ATP10B: variants seen among roughly 807,000 people sequenced by gnomAD.
ATP10B encodes phospholipid-transporting ATPase VB.
Under a neutral mutation model 141.2 loss-of-function variants are expected in ATP10B, and 122 were observed. The observed-to-expected ratio is 0.86, with a 90% CI of 0.75 to 1.00. The LOEUF is 1.00. Ranked by LOEUF, ATP10B falls within the 50% of genes least tolerant of loss-of-function variation. The pLI is 0.00. For synonymous variants in ATP10B, 685 were observed against 692.0 expected, an observed-to-expected ratio of 0.99 and a Z score of 0.16; for missense variants, 1,876 against 1,825.3, an observed-to-expected ratio of 1.03 and a Z score of -0.51.
At chr5:160,687,040 T>A in intron 5 of ATP10B, 4 of 788,530 alleles carry the variant, frequency 5.1e-6, no homozygotes, top group African/African-American at 1.9e-5. Flanking sequence ...AACATTCTGC[T>A]GACTTCTGTC....
rs115202999 is a variant in ATP10B at position 160,615,532 on chromosome 5, T to C, written c.2653+306A>G. Among the ~76,000 whole-genome samples the C allele has an allele frequency of 9.0e-3, 1,370 of 151,908 alleles. 16 individuals carry two copies. The highest frequency in any genetic ancestry group is 0.032 in the African/African-American group (1,314 of 41,366). On this transcript the variant is annotated intron_variant, in intron 17 of 25. Transcript: ENST00000327245. ...GCAGCCCCAAAGCCTAGCATGTCACTTGGCACATAGTAGGTGCTTAGCAAA... is the reference window on the plus strand; with the variant it reads ...GCAGCCCCAAAGCCTAGCATGTCACCTGGCACATAGTAGGTGCTTAGCAAA...
intron 2 of ATP10B, among the ~76,000 whole-genome samples, chr5:160,738,649 C>A (rs1236275311): frequency 6.6e-6 from 1 of 151,978 alleles, no homozygotes; most frequent in East Asian, 1.9e-4. Flanking sequence ...ATGAACAAAT[C>A]CTTTGAAAAA....
At chr5:160,913,665 G>A in the ATP10B span, among the ~76,000 whole-genome samples, 2 of 152,204 alleles carry the variant, frequency 1.3e-5, 1 homozygote, top group African/African-American at 4.8e-5. Context: ...AAAGCTGACG[G>A]CATTTAAAGA....
intron 2 of ATP10B, among the ~76,000 whole-genome samples, chr5:160,740,332 A>T (rs1194671665): frequency 1.3e-5 from 2 of 152,210 alleles, no homozygotes; most frequent in Admixed American, 1.3e-4. Flanking sequence ...ACTTCATTGA[A>T]CTTCAGGAGA....
At chr5:160,706,466 G>T (rs1221669644) in intron 3 of ATP10B, among the ~76,000 whole-genome samples, 1 of 152,158 alleles carries the variant, frequency 6.6e-6, no homozygotes, top group African/African-American at 2.4e-5. Context: ...AAGGTTGCAA[G>T]AATAGTCAGT....
At chr5:160,877,670 A>G in the ATP10B span, among the ~76,000 whole-genome samples, 51 of 149,432 alleles carry the variant, frequency 3.4e-4, no homozygotes, top group Middle Eastern at 3.4e-3. Context: ...TTAAGCTGAT[A>G]AGTAACTTCA....
At chr5:160,592,593 A>G (rs543724051) in intron 22 of ATP10B, among the ~76,000 whole-genome samples, 1 of 152,356 alleles carries the variant, frequency 6.6e-6, no homozygotes, top group African/African-American at 2.4e-5. Context: ...ACCATGCACG[A>G]GCCAAAGCAG....
intron 2 of ATP10B, among the ~76,000 whole-genome samples, chr5:160,743,436 G>A (rs1241058937): frequency 6.6e-6 from 1 of 152,168 alleles, no homozygotes; most frequent in African/African-American, 2.4e-5. Context: ...CAAGACACTG[G>A]ACATTTATCT....
At position 160,632,286 on chromosome 5, in the gene ATP10B, C is replaced by G. The variant is rs181894024; in HGVS notation, c.1463G>C (p.Arg488Thr). 2.0e-5 allele frequency: 32 copies of G among 1,614,082 alleles called. No individual in the cohort carries two copies. Among genetic ancestry groups the G allele is most frequent in the Non-Finnish European group, 2.1e-5 (25 of 1,180,032 alleles). The change falls in exon 13 of 26, where the codon AGA becomes ACA. Residue 488 changes from arginine (R) to threonine (T), a missense_variant. Transcript: ENST00000327245. ...CATAGTTGCTGGATCCTGGGCCCATCTAGCCGAGAAGGACAGGCATTGGTA... is the reference window on the plus strand; with the variant it reads ...CATAGTTGCTGGATCCTGGGCCCATGTAGCCGAGAAGGACAGGCATTGGTA... The part of the protein sequence containing the change: ...TQYQCLSFSA[R>T]WAQDPATMRS...
At chr5:160,886,588 A>C in the ATP10B span, among the ~76,000 whole-genome samples, 1 of 152,196 alleles carries the variant, frequency 6.6e-6, no homozygotes, top group Non-Finnish European at 1.5e-5. Context: ...AAGCTCATGG[A>C]GTGATGACAC....
chr5:160,804,168 T>C lies in ATP10B; in HGVS notation c.-575-18365A>G, dbSNP rs563583811. Among the ~76,000 whole-genome samples, 11 of 152,330 alleles carry C rather than the reference T, an allele frequency of 7.2e-5. No homozygotes were observed. The East Asian group carries it at 1.9e-3, about 27-fold the overall frequency. On this transcript the variant is annotated intron_variant, in intron 1 of 25. Coordinates refer to ENST00000327245, the MANE Select transcript of ATP10B (RefSeq NM_025153.3). ...AGCTACTTCTATAAGGGATGAGGGTTGTGTGTTGTGTAGTCATCACTTCCT... is the reference window on the plus strand; with the variant it reads ...AGCTACTTCTATAAGGGATGAGGGTCGTGTGTTGTGTAGTCATCACTTCCT...
At chr5:160,566,848 T>G (rs929519989) in intron 25 of ATP10B, among the ~76,000 whole-genome samples, 1 of 152,198 alleles carries the variant, frequency 6.6e-6, no homozygotes, top group Non-Finnish European at 1.5e-5. Flanking sequence ...TTCCCAAAGA[T>G]AGTCTTTAAA....
At chr5:160,757,543 A>C (rs950851266) in intron 2 of ATP10B, among the ~76,000 whole-genome samples, 2 of 152,224 alleles carry the variant, frequency 1.3e-5, no homozygotes, top group Non-Finnish European at 2.9e-5. Context: ...TATAATTAGA[A>C]GATAATTGAA....
chr5:160,601,416 G>C (rs754213943), intron 21 of ATP10B, among the ~76,000 whole-genome samples: 25 of 152,000 alleles, frequency 1.6e-4, no homozygotes, highest in Non-Finnish European at 2.6e-4. Flanking sequence ...GAAATCTTGG[G>C]GTTTATTAAA....
chr5:160,568,380 A>G (rs1417545791), intron 25 of ATP10B, among the ~76,000 whole-genome samples: 1 of 152,216 alleles, frequency 6.6e-6, no homozygotes, highest in African/African-American at 2.4e-5. Flanking sequence ...GGTTAAGCAA[A>G]CCACCAAACT....
chr5:160,909,200 A>T, the ATP10B span, among the ~76,000 whole-genome samples: 8 of 152,308 alleles, frequency 5.3e-5, no homozygotes, highest in African/African-American at 1.7e-4. Flanking sequence ...ACTATGAGGA[A>T]GGATGCTCTT....
intron 7 of ATP10B, among the ~76,000 whole-genome samples, chr5:160,652,723 A>G (rs1206680423): frequency 8.2e-6 from 1 of 121,952 alleles, no homozygotes; most frequent in African/African-American, 3.2e-5. Context: ...ATTTATATAT[A>G]ATATATACAT....
intron 5 of ATP10B, among the ~76,000 whole-genome samples, chr5:160,687,416 G>GCC (rs1219671816): frequency 1.3e-5 from 2 of 152,104 alleles, no homozygotes; most frequent in Admixed American, 1.3e-4. Context: ...AGGAAAGGTG[G>GCC]CCCCCAGAGG....
chr5:160,903,218 C>T, the ATP10B span, among the ~76,000 whole-genome samples: 1 of 152,092 alleles, frequency 6.6e-6, no homozygotes, highest in Non-Finnish European at 1.5e-5. Context: ...AGATCAGACC[C>T]AAGACTGGAA....
Sources: gnomAD v4.1 joint callset for allele counts (sites outside exome capture counted in the v4.1 genomes callset) on GRCh38, gnomAD v4.1.1 for gene constraint, MANE v1.5 for transcripts, NCBI Gene and HGNC (gene_info 2026-07-23, HGNC 2026-07-21) for gene names.